Variants in SMARCB1 observed in about 807,000 individuals in gnomAD.
SMARCB1 encodes the protein SWI/SNF related BAF chromatin remodeling complex subunit B1.
SMARCB1 carries 5 observed loss-of-function variants against 49.0 expected under a neutral mutation model. That is an observed-to-expected ratio of 0.10 (90% confidence interval 0.05 to 0.21). SMARCB1 has a LOEUF of 0.21. Among genes scored for constraint, SMARCB1 ranks in the 10% least tolerant of loss-of-function variants. SMARCB1 has a pLI of 1.00. For synonymous variants in SMARCB1, 201 were observed against 200.1 expected (o/e 1.00, Z -0.04); for missense variants, 226 against 509.2 (o/e 0.44, Z 5.35).
chr22:23,833,504 A>T (rs1334910013), intron 7 of SMARCB1, 68 bp from the exon 8 acceptor site: 3 of 1,609,006 alleles, frequency 1.9e-6, no homozygotes, highest in Non-Finnish European at 8.5e-7. Flanking sequence ...ACAGGGGCCA[A>T]AGCTTTCTGA....
At chr22:23,833,977 G>GAGCAGGGCCTGAGTGA (rs2030818086) in intron 8 of SMARCB1, among the ~76,000 whole-genome samples, 164 bp from the exon 9 acceptor site, 1 of 150,116 alleles carries the variant, frequency 6.7e-6, no homozygotes, top group East Asian at 1.9e-4. Context: ...GGCCTGAGTG[G>GAGCAGGGCCTGAGTGA]CAGACAGGCG....
rs183472224 is a variant in SMARCB1, at chr22:23,811,461, A to G, written c.629-5309A>G. 2.0e-5 allele frequency among the ~76,000 whole-genome samples: 3 copies of G among 152,378 alleles called. No individual in the cohort carries two copies. The East Asian group carries it at 5.8e-4, about 29-fold the overall frequency. On this transcript the variant is annotated intron_variant, in intron 5 of 8. Transcript: ENST00000644036. Reference sequence around the variant, plus strand: ...CACATTCTTTTCAAGTGCCTGAGCAACATATACCATATAATCCGTATAATG... The same window carrying G: ...CACATTCTTTTCAAGTGCCTGAGCAGCATATACCATATAATCCGTATAATG...
rs187908251 is a variant in SMARCB1, at chr22:23,798,308, A to G, written c.363-2636A>G. ...TTTGGGTGTTGTAGCTCACACCTGT[A>G]CTCTCAGCACTTTGGGAGGCCAAGG... On this transcript the variant is annotated intron_variant, in intron 3 of 8. Transcript: ENST00000644036. Among the ~76,000 whole-genome samples the G allele has an allele frequency of 1.3e-3, 204 of 152,230 alleles. 6 individuals are homozygous for G. Among genetic ancestry groups the G allele is most frequent in the Non-Finnish European group, 1.9e-4 (13 of 68,010 alleles).
Position 23,816,756 on chromosome 22 carries a change from T to C in SMARCB1, c.629-14T>C, listed in dbSNP as rs1207037695. The C allele has an allele frequency of 4.3e-6, 7 of 1,612,202 alleles. No individual in the cohort carries two copies. The highest frequency in any genetic ancestry group is 4.2e-6 in the Non-Finnish European group (5 of 1,179,152). ...GTGCAATCTCTTGGCATCCCTTCCC[T>C]CTCCTGATTTCAGAGAAGTTGATGA... On this transcript the variant is annotated splice_polypyrimidine_tract_variant and intron_variant, in intron 5 of 8. Transcript: ENST00000644036.
At chr22:23,790,187 A>G (rs2267030) in intron 1 of SMARCB1, among the ~76,000 whole-genome samples, 16,353 of 152,120 alleles carry the variant, frequency 0.11, 911 homozygotes, top group South Asian at 0.17. Context: ...AGGGCCTGCA[A>G]GGTAGTCATA....
At chr22:23,793,711 A>C (rs2145964714) in intron 3 of SMARCB1, 23 bp downstream of exon 3, 1 of 1,613,214 alleles carries the variant, frequency 6.2e-7, no homozygotes, top group Non-Finnish European at 8.5e-7. Flanking sequence ...TGGCCAGGGC[A>C]TCTCTGGGGA....
chr22:23,806,688 G>A (rs954631666), intron 5 of SMARCB1, among the ~76,000 whole-genome samples: 1 of 152,148 alleles, frequency 6.6e-6, no homozygotes, highest in Non-Finnish European at 1.5e-5. Context: ...TTGGGAGGGT[G>A]AGGTGGGAAG....
chr22:23,795,003 T>A (rs1235265250), intron 3 of SMARCB1, among the ~76,000 whole-genome samples: 1 of 152,174 alleles, frequency 6.6e-6, no homozygotes, highest in Non-Finnish European at 1.5e-5. Flanking sequence ...ATCTAGAATC[T>A]ATACATCTAG....
intron 8 of SMARCB1, 56 bp from the exon 9 acceptor site, chr22:23,834,084 GC>G: frequency 1.3e-6 from 2 of 1,536,044 alleles, no homozygotes; most frequent in South Asian, 2.4e-5. Flanking sequence ...CTTGGGAAGG[GC>G]AGCGCCCAGG....
intron 6 of SMARCB1, among the ~76,000 whole-genome samples, chr22:23,821,123 G>C (rs1215522178): frequency 2.0e-5 from 3 of 152,254 alleles, no homozygotes; most frequent in Non-Finnish European, 4.4e-5. Flanking sequence ...CTTCCCCAGT[G>C]ACCCTCTGAC....
chr22:23,822,732 C>G (rs2030158542), intron 6 of SMARCB1, among the ~76,000 whole-genome samples: 4 of 152,124 alleles, frequency 2.6e-5, no homozygotes, highest in African/African-American at 7.2e-5. Flanking sequence ...CTGTGTCCCC[C>G]ACCTGGGACT....
intron 5 of SMARCB1, among the ~76,000 whole-genome samples, chr22:23,805,828 TAGCCC>T (rs1929460340): frequency 6.6e-6 from 1 of 152,214 alleles, no homozygotes; most frequent in South Asian, 2.1e-4. Context: ...ACATAGAATC[TAGCCC>T]AGCATAGGAA....
intron 4 of SMARCB1, 56 bp from the exon 5 acceptor site, chr22:23,803,239 T>G: frequency 6.2e-7 from 1 of 1,612,626 alleles, no homozygotes; most frequent in South Asian, 1.1e-5. Flanking sequence ...GGCTGAAAAT[T>G]TGCATACCTA....
chr22:23,794,339 A>G (rs971575372), intron 3 of SMARCB1, among the ~76,000 whole-genome samples: 1 of 152,210 alleles, frequency 6.6e-6, no homozygotes, highest in African/African-American at 2.4e-5. Context: ...TGGAATTTCT[A>G]AGAAACGTAA....
At chr22:23,794,184 C>T (rs1167314452) in intron 3 of SMARCB1, among the ~76,000 whole-genome samples, 5 of 152,240 alleles carry the variant, frequency 3.3e-5, no homozygotes, top group Admixed American at 1.3e-4. Flanking sequence ...TCAGGTGATC[C>T]GCCCGCCTTG....
chr22:23,825,560 C>A, intron 7 of SMARCB1, 145 bp downstream of exon 7: 1 of 533,594 alleles, frequency 1.9e-6, no homozygotes, highest in South Asian at 3.3e-5. Flanking sequence ...TTGCTCCGTC[C>A]TCCTCCTGCC....
chr22:23,787,283 G>T lies in SMARCB1; in HGVS notation c.93+21G>T, dbSNP rs375663966. ...CCGAGGTAGCCCGGGGCGCGTTCTCGCCCTCCCCGGGCTCGGCCCCGCGGG... is the reference window on the plus strand; with the variant it reads ...CCGAGGTAGCCCGGGGCGCGTTCTCTCCCTCCCCGGGCTCGGCCCCGCGGG... On this transcript the variant is annotated intron_variant, in intron 1 of 8. Coordinates refer to ENST00000644036, the MANE Select transcript of SMARCB1 (RefSeq NM_003073.5). 31 of 1,481,658 alleles carry T rather than the reference G, an allele frequency of 2.1e-5. No individual in the cohort carries two copies. The African/African-American group carries it at 4.3e-4, about 20-fold the overall frequency. The allele number at this position is 1,481,658 out of a possible 1,614,324, so 91.8% of individuals were successfully genotyped here.
chr22:23,793,943 G>A (rs567513039), intron 3 of SMARCB1, among the ~76,000 whole-genome samples: 2 of 152,058 alleles, frequency 1.3e-5, no homozygotes, highest in South Asian at 4.2e-4. Flanking sequence ...CACTATACCT[G>A]GCTAGTTTTT....
At chr22:23,824,995 C>T in intron 6 of SMARCB1, 1 of 592,414 alleles carries the variant, frequency 1.7e-6, no homozygotes, top group Non-Finnish European at 3.0e-6. Context: ...ACTTCAGGGC[C>T]TCCCGAGGGT....
Sources: allele counts gnomAD v4.1 joint callset (sites outside exome capture counted in the v4.1 genomes callset), GRCh38; gene constraint gnomAD v4.1.1; transcripts MANE v1.5; gene names NCBI Gene and HGNC (gene_info 2026-07-23, HGNC 2026-07-21).